The following KHDRBS2 variants were observed in gnomAD, a reference collection of about 807,000 sequenced individuals.
KHDRBS2 encodes the protein KH domain-containing, RNA-binding, signal transduction-associated protein 2.
Under a neutral mutation model 44.3 loss-of-function variants are expected in KHDRBS2, and 26 were observed. That is an observed-to-expected ratio of 0.59 (90% CI 0.43 to 0.81). KHDRBS2 has a LOEUF of 0.81. Ranked by LOEUF, KHDRBS2 falls within the 40% of genes least tolerant of loss-of-function variation. KHDRBS2 has a pLI of 0.00. For missense variants in KHDRBS2, 476 were observed against 433.1 expected, an observed-to-expected ratio of 1.10 and a Z score of -0.88; for synonymous variants, 194 against 151.1, an observed-to-expected ratio of 1.28 and a Z score of -2.08.
At chr6:61,734,916 T>A (rs983971287) in intron 6 of KHDRBS2, among the ~76,000 whole-genome samples, 1 of 152,222 alleles carries the variant, frequency 6.6e-6, no homozygotes, top group Non-Finnish European at 1.5e-5. Context: ...CTGGTCCACA[T>A]TGATGAATTT....
chr6:61,749,862 A>T (rs1777407421), intron 6 of KHDRBS2, among the ~76,000 whole-genome samples: 1 of 152,142 alleles, frequency 6.6e-6, no homozygotes, highest in African/African-American at 2.4e-5. Flanking sequence ...AAAGGGAAAA[A>T]ATCAGATCCA....
chr6:61,708,839 A>C (rs919968004), intron 7 of KHDRBS2, among the ~76,000 whole-genome samples: 2 of 151,720 alleles, frequency 1.3e-5, no homozygotes, highest in Non-Finnish European at 3.0e-5. Flanking sequence ...AGAAAAGACC[A>C]TAGTCTCATG....
chr6:62,185,038 T>A (rs1187905494), intron 1 of KHDRBS2, among the ~76,000 whole-genome samples: 2 of 151,964 alleles, frequency 1.3e-5, no homozygotes, highest in Non-Finnish European at 2.9e-5. Context: ...TTAAGCAAGT[T>A]AGTTAGCCTC....
chr6:62,013,204 A>G (rs753499612), intron 3 of KHDRBS2, among the ~76,000 whole-genome samples: 4 of 152,212 alleles, frequency 2.6e-5, no homozygotes, highest in Admixed American at 6.5e-5. Flanking sequence ...TGAGCATTTT[A>G]TTCATACTTC....
the KHDRBS2 span, among the ~76,000 whole-genome samples, chr6:61,636,104 T>C: frequency 1.0e-3 from 158 of 152,228 alleles, no homozygotes; most frequent in Non-Finnish European, 1.9e-3. Flanking sequence ...TTTAATGGAA[T>C]CCCACACCTA....
At chr6:61,719,213 C>T (rs1771944604) in intron 7 of KHDRBS2, among the ~76,000 whole-genome samples, 1 of 152,118 alleles carries the variant, frequency 6.6e-6, no homozygotes, top group South Asian at 2.1e-4. Flanking sequence ...AAATTTTTAA[C>T]ATTTCACATC....
intron 6 of KHDRBS2, among the ~76,000 whole-genome samples, chr6:61,892,408 G>C (rs539776399): frequency 6.6e-6 from 1 of 152,122 alleles, no homozygotes; most frequent in African/African-American, 2.4e-5. Context: ...CTACTTTAAA[G>C]TTCATATGGA....
chr6:61,895,648 C>A (rs1802803786), intron 5 of KHDRBS2, among the ~76,000 whole-genome samples: 1 of 151,964 alleles, frequency 6.6e-6, no homozygotes, highest in Non-Finnish European at 1.5e-5. Context: ...CATTTTGAAG[C>A]CTTTAGAATG....
At chr6:61,681,082 T>A in intron 8 of KHDRBS2, 22 bp from the exon 9 acceptor site, 1 of 1,517,620 alleles carries the variant, frequency 6.6e-7, no homozygotes, top group Non-Finnish European at 9.1e-7. Context: ...AGAAAGATAG[T>A]AACACACACA....
At chr6:61,553,171 A>G in the KHDRBS2 span, among the ~76,000 whole-genome samples, 3 of 152,272 alleles carry the variant, frequency 2.0e-5, no homozygotes, top group African/African-American at 7.2e-5. Flanking sequence ...ACTGATTCAA[A>G]TTCAAATTTT....
chr6:61,686,113 C>T (rs978433540), intron 8 of KHDRBS2, among the ~76,000 whole-genome samples: 1 of 151,664 alleles, frequency 6.6e-6, no homozygotes, highest in Admixed American at 6.6e-5. Flanking sequence ...TCTTATTTTG[C>T]TATCTTAGAT....
At chr6:61,889,010 A>C (rs957188529) in intron 6 of KHDRBS2, among the ~76,000 whole-genome samples, 20 of 152,154 alleles carry the variant, frequency 1.3e-4, no homozygotes, top group African/African-American at 4.8e-4. Context: ...TTTGCAATCA[A>C]TAATGCCTAA....
At chr6:61,870,149 C>G (rs1413970085) in intron 6 of KHDRBS2, among the ~76,000 whole-genome samples, 1 of 152,008 alleles carries the variant, frequency 6.6e-6, no homozygotes, top group Non-Finnish European at 1.5e-5. Context: ...TTCTCGCTGC[C>G]AGCACAGAAG....
chr6:61,609,374 G>A, the KHDRBS2 span, among the ~76,000 whole-genome samples: 8 of 152,092 alleles, frequency 5.3e-5, no homozygotes, highest in Non-Finnish European at 7.4e-5. Context: ...CGGCAATGAC[G>A]ACAACAAAAA....
chr6:62,186,385 G>A (rs1333698340), intron 1 of KHDRBS2, among the ~76,000 whole-genome samples: 1 of 151,936 alleles, frequency 6.6e-6, no homozygotes, highest in Non-Finnish European at 1.5e-5. Context: ...GCATTTGGGG[G>A]CTGGACATGA....
chr6:62,135,801 G>A (rs1811391319), intron 2 of KHDRBS2, among the ~76,000 whole-genome samples: 1 of 151,986 alleles, frequency 6.6e-6, no homozygotes, highest in Non-Finnish European at 1.5e-5. Flanking sequence ...ATTATGCTAA[G>A]TAAAGTAAGC....
intron 2 of KHDRBS2, among the ~76,000 whole-genome samples, chr6:62,053,361 A>C (rs192073050): frequency 3.3e-5 from 5 of 152,076 alleles, no homozygotes; most frequent in Non-Finnish European, 5.9e-5. Context: ...TAAAAGAAAA[A>C]AAAAATGACA....
chr6:61,655,294 C>T, the KHDRBS2 span, among the ~76,000 whole-genome samples: 1 of 151,700 alleles, frequency 6.6e-6, no homozygotes, highest in African/African-American at 2.4e-5. Context: ...TTTGCACTGT[C>T]GCCCAGACTG....
At chr6:61,579,531 T>A in the KHDRBS2 span, among the ~76,000 whole-genome samples, 2 of 151,908 alleles carry the variant, frequency 1.3e-5, no homozygotes, top group African/African-American at 4.8e-5. Context: ...AGAGATAGAG[T>A]GATAGGAAGA....
Sources: allele counts gnomAD v4.1 joint callset (sites outside exome capture counted in the v4.1 genomes callset), GRCh38; gene constraint gnomAD v4.1.1; transcripts MANE v1.5; gene names NCBI Gene and HGNC (gene_info 2026-07-23, HGNC 2026-07-21).